Variants in GRHL2 observed in about 807,000 individuals in gnomAD.
GRHL2 encodes the protein grainyhead-like protein 2 homolog.
In GRHL2, 21 loss-of-function variants were observed where a neutral mutation model predicts 83.8. The ratio of observed to expected loss-of-function variants is 0.25; its 90% CI spans 0.18 to 0.36. The LOEUF is 0.36. Ranked by LOEUF, GRHL2 falls within the 10% of genes least tolerant of loss-of-function variation. GRHL2 has a pLI of 1.00. For synonymous variants in GRHL2, 280 were observed against 278.9 expected (o/e 1.00, Z -0.04); for missense variants, 623 against 781.8 (o/e 0.80, Z 2.42).
chr8:101,621,606 T>C (rs1318752084), intron 9 of GRHL2, among the ~76,000 whole-genome samples: 2 of 151,934 alleles, frequency 1.3e-5, no homozygotes, highest in Non-Finnish European at 2.9e-5. Context: ...AAGATAAAGA[T>C]GTAATATAGG....
intron 12 of GRHL2, among the ~76,000 whole-genome samples, chr8:101,642,560 C>T (rs951562238): frequency 6.6e-6 from 1 of 152,128 alleles, no homozygotes; most frequent in Admixed American, 6.5e-5. Flanking sequence ...TACACAGTAA[C>T]GTGACCTGCT....
At chr8:101,531,447 C>A (rs1709696967) in intron 1 of GRHL2, among the ~76,000 whole-genome samples, 1 of 152,172 alleles carries the variant, frequency 6.6e-6, no homozygotes, top group South Asian at 2.1e-4. Flanking sequence ...ATAGTGGATG[C>A]TCAATAAGTA....
In GRHL2 at chr8:101,501,043, TAATCA is replaced by T. The variant is rs533165744; in HGVS notation, c.20+8258_20+8262del. On this transcript the variant is annotated intron_variant, in intron 1 of 15. Coordinates refer to ENST00000646743, the MANE Select transcript of GRHL2 (RefSeq NM_024915.4). ...CCTTTTGATTTGCCACATACAATACTAATCAAATAACACATTTTAAGAATTCTTAT... is the reference window on the plus strand; with the variant it reads ...CCTTTTGATTTGCCACATACAATACTAATAACACATTTTAAGAATTCTTAT... 9.6e-4 allele frequency among the ~76,000 whole-genome samples: 146 copies of T among 152,338 alleles called. 1 individual carries two copies. Among genetic ancestry groups the T allele is most frequent in the African/African-American group, 3.4e-3 (140 of 41,594 alleles).
intron 3 of GRHL2, among the ~76,000 whole-genome samples, chr8:101,556,564 A>G (rs1348460524): frequency 2.6e-5 from 4 of 152,146 alleles, no homozygotes. Context: ...AAAGTATTTT[A>G]TTCTAGTCTG....
chr8:101,653,737 C>CAAA (rs35741171), intron 14 of GRHL2, among the ~76,000 whole-genome samples: 1 of 113,742 alleles, frequency 8.8e-6, no homozygotes, highest in African/African-American at 5.0e-5. Context: ...GACTCTGTCT[C>CAAA]AAAAAAAAAA....
intron 14 of GRHL2, 150 bp from the exon 15 acceptor site, chr8:101,664,304 C>T (rs1813995055): frequency 7.6e-6 from 5 of 654,152 alleles, no homozygotes; most frequent in Non-Finnish European, 2.8e-6. Flanking sequence ...GGGAGAGGCT[C>T]ATAAATGAGT....
intron 11 of GRHL2, 77 bp downstream of exon 11, chr8:101,632,442 C>G: frequency 6.5e-7 from 1 of 1,535,132 alleles, no homozygotes; most frequent in Non-Finnish European, 9.0e-7. Context: ...GCATTTCAGA[C>G]AGTGTTGACC....
At chr8:101,581,243 C>T (rs560744823) in intron 7 of GRHL2, among the ~76,000 whole-genome samples, 4 of 152,114 alleles carry the variant, frequency 2.6e-5, no homozygotes, top group Admixed American at 6.5e-5. Context: ...GTTTGATATG[C>T]GGTTCTTGTA....
intron 14 of GRHL2, among the ~76,000 whole-genome samples, 188 bp downstream of exon 14, chr8:101,649,687 A>C (rs1274779919): frequency 6.6e-6 from 1 of 152,144 alleles, no homozygotes; most frequent in Non-Finnish European, 1.5e-5. Flanking sequence ...GAGGAGAAGG[A>C]AACTGAAAAA....
intron 1 of GRHL2, among the ~76,000 whole-genome samples, chr8:101,522,792 AGTT>A (rs1810716033): frequency 6.9e-6 from 1 of 144,186 alleles, no homozygotes; most frequent in East Asian, 1.9e-4. Context: ...TCTATATCTG[AGTT>A]GTTTTGGAAT....
At chr8:101,610,518 C>T (rs867175935) in intron 8 of GRHL2, among the ~76,000 whole-genome samples, 1 of 150,902 alleles carries the variant, frequency 6.6e-6, no homozygotes, top group African/African-American at 2.5e-5. Flanking sequence ...AGAACAGGAC[C>T]AGCTGAGAGA....
rs188977667 is a variant in GRHL2 at position 101,562,023 on chromosome 8, A to G, written c.678+3211A>G. 367 of 799,540 alleles carry G rather than the reference A, an allele frequency of 4.6e-4. 4 individuals are homozygous for G. In the African/African-American group the frequency reaches 5.7e-3, roughly 12 times the overall value. 49.5% of individuals were successfully genotyped at this position (799,540 alleles called of 1,614,324 possible). A position where few individuals can be genotyped will look rare whatever the true frequency, so the allele number is the denominator to read the frequency against. On this transcript the variant is annotated intron_variant, in intron 4 of 15. Coordinates refer to ENST00000646743, the MANE Select transcript of GRHL2 (RefSeq NM_024915.4). ...TTTAAGAAGCATCTTCCATGTCCAC[A>G]TCCTCTTGTAACTGTTGTACCATTT...
chr8:101,509,109 CCTT>C (rs1810398911), intron 1 of GRHL2, among the ~76,000 whole-genome samples: 2 of 42,162 alleles, frequency 4.7e-5, no homozygotes, highest in African/African-American at 8.0e-5. Context: ...TTCTTTCTCT[CCTT>C]CCTTCCTTCC....
chr8:101,552,296 G>T (rs987741050), intron 2 of GRHL2, among the ~76,000 whole-genome samples: 20 of 152,160 alleles, frequency 1.3e-4, no homozygotes, highest in African/African-American at 2.4e-5. Context: ...TCATCAGAGG[G>T]GAGGGTAGCT....
rs1586407543 is a variant in GRHL2 at position 101,512,763 on chromosome 8, T to C, written c.20+19974T>C. On this transcript the variant is annotated intron_variant, in intron 1 of 15. Transcript: ENST00000646743. ...GCAGAGGATGCTTTCAGTATTTCAC[T>C]GTTGAGCATAATGGTGCCGTTGGTT... 2.0e-5 allele frequency among the ~76,000 whole-genome samples: 3 copies of C among 152,370 alleles called. 1 individual carries two copies. The highest frequency in any genetic ancestry group is 7.2e-5 in the African/African-American group (3 of 41,592).
intron 14 of GRHL2, among the ~76,000 whole-genome samples, chr8:101,658,521 A>T (rs1475355088): frequency 6.6e-6 from 1 of 152,142 alleles, no homozygotes; most frequent in Non-Finnish European, 1.5e-5. Flanking sequence ...TGTGCTGGGG[A>T]CCCAGTGACT....
chr8:101,663,195 C>T (rs1476639516), intron 14 of GRHL2, among the ~76,000 whole-genome samples: 4 of 152,068 alleles, frequency 2.6e-5, no homozygotes, highest in Non-Finnish European at 5.9e-5. Context: ...ATAGCTTCTG[C>T]CAAATTTCTT....
chr8:101,522,254 A>G (rs1257937408), intron 1 of GRHL2, among the ~76,000 whole-genome samples: 1 of 152,130 alleles, frequency 6.6e-6, no homozygotes, highest in African/African-American at 2.4e-5. Flanking sequence ...AACCAGCTGT[A>G]TTTCAAAGAT....
chr8:101,504,294 T>G (rs1392463902), intron 1 of GRHL2, among the ~76,000 whole-genome samples: 1 of 152,236 alleles, frequency 6.6e-6, no homozygotes, highest in African/African-American at 2.4e-5. Flanking sequence ...CTTGTCCTTT[T>G]AGATTTGCAT....
Sources: allele counts gnomAD v4.1 joint callset (sites outside exome capture counted in the v4.1 genomes callset), GRCh38; gene constraint gnomAD v4.1.1; transcripts MANE v1.5; gene names NCBI Gene and HGNC (gene_info 2026-07-23, HGNC 2026-07-21).